The following DNER variants were observed in gnomAD, a reference collection of about 807,000 sequenced individuals.
DNER encodes delta and Notch-like epidermal growth factor-related receptor.
A neutral mutation model predicts 78.2 loss-of-function variants in DNER; 33 were observed. The ratio of observed to expected loss-of-function variants is 0.42; its 90% CI spans 0.32 to 0.56. DNER has a LOEUF of 0.56. Among genes scored for constraint, DNER ranks in the 20% least tolerant of loss-of-function variants. The pLI, the probability that DNER is intolerant of heterozygous loss-of-function variation, is 0.11. For synonymous variants in DNER, 417 were observed against 384.8 expected (o/e 1.08, Z -0.98); for missense variants, 918 against 975.3 (o/e 0.94, Z 0.78).
chr2:229,621,061 C>G (rs1698244002), intron 1 of DNER, among the ~76,000 whole-genome samples: 1 of 152,216 alleles, frequency 6.6e-6, no homozygotes, highest in Non-Finnish European at 1.5e-5. Flanking sequence ...CCTTAGCTAA[C>G]TCATACAAGA....
At chr2:229,668,824 G>T (rs1699157221) in intron 1 of DNER, among the ~76,000 whole-genome samples, 1 of 151,634 alleles carries the variant, frequency 6.6e-6, no homozygotes, top group African/African-American at 2.4e-5. Context: ...ATTCCTCAAA[G>T]ATCTAGAACC....
At chr2:229,553,099 G>A (rs944330340) in intron 4 of DNER, among the ~76,000 whole-genome samples, 6 of 152,174 alleles carry the variant, frequency 3.9e-5, no homozygotes, top group African/African-American at 1.2e-4. Context: ...CTAAATGGGG[G>A]CCATCCTAGG....
At chr2:229,598,002 T>G (rs755993049) in intron 1 of DNER, among the ~76,000 whole-genome samples, 14 of 152,166 alleles carry the variant, frequency 9.2e-5, no homozygotes, top group Non-Finnish European at 1.9e-4. Context: ...ATGGCCTGTT[T>G]TTCTTCCTTA....
intron 11 of DNER, among the ~76,000 whole-genome samples, chr2:229,382,236 G>A (rs1574816203): frequency 6.6e-6 from 1 of 152,250 alleles, no homozygotes; most frequent in South Asian, 2.1e-4. Context: ...CAAAAAGGAT[G>A]TCCACACAGA....
chr2:229,494,499 C>G (rs1207177373), intron 6 of DNER, among the ~76,000 whole-genome samples: 2 of 152,242 alleles, frequency 1.3e-5, no homozygotes, highest in Admixed American at 6.5e-5. Context: ...CAGAACGTAA[C>G]AGCTCAAGAG....
intron 10 of DNER, among the ~76,000 whole-genome samples, chr2:229,406,079 T>C (rs185493619): frequency 6.6e-6 from 1 of 152,250 alleles, no homozygotes; most frequent in East Asian, 1.9e-4. Flanking sequence ...AAATCAGAAG[T>C]TGCTTTTCCT....
chr2:229,632,302 C>T (rs1482533610), intron 1 of DNER, among the ~76,000 whole-genome samples: 2 of 152,142 alleles, frequency 1.3e-5, no homozygotes, highest in Non-Finnish European at 2.9e-5. Context: ...TATTACAAAA[C>T]ATTGAGTAGG....
chr2:229,385,883 T>A (rs1246380331), intron 11 of DNER, among the ~76,000 whole-genome samples: 2 of 151,838 alleles, frequency 1.3e-5, no homozygotes, highest in Non-Finnish European at 2.9e-5. Flanking sequence ...ATCATGAAAA[T>A]GGCCATACTG....
At chr2:229,401,547 C>T (rs1451444319) in intron 10 of DNER, among the ~76,000 whole-genome samples, 4 of 151,622 alleles carry the variant, frequency 2.6e-5, no homozygotes, top group Admixed American at 2.6e-4. Flanking sequence ...TCCAAAGAAT[C>T]ACGCTGAGTA....
intron 6 of DNER, among the ~76,000 whole-genome samples, chr2:229,507,481 G>A (rs910123116): frequency 6.6e-6 from 1 of 152,108 alleles, no homozygotes; most frequent in Non-Finnish European, 1.5e-5. Context: ...CCATTAACAA[G>A]CAAAAATAAT....
At chr2:229,584,696 C>T (rs984137504) in intron 4 of DNER, among the ~76,000 whole-genome samples, 1 of 151,652 alleles carries the variant, frequency 6.6e-6, no homozygotes, top group Non-Finnish European at 1.5e-5. Flanking sequence ...TTTGGGAGGC[C>T]GAGGCGGGTG....
At chr2:229,503,673 T>C (rs1240630628) in intron 6 of DNER, among the ~76,000 whole-genome samples, 4 of 152,186 alleles carry the variant, frequency 2.6e-5, no homozygotes, top group African/African-American at 7.2e-5. Flanking sequence ...ACTGGACTGA[T>C]AACTAATGAC....
intron 4 of DNER, among the ~76,000 whole-genome samples, chr2:229,565,986 C>A (rs1448324511): frequency 6.6e-6 from 1 of 152,142 alleles, no homozygotes; most frequent in African/African-American, 2.4e-5. Flanking sequence ...TATCCAATCA[C>A]CCACCACATC....
At chr2:229,519,889 C>T (rs1161079838) in intron 5 of DNER, among the ~76,000 whole-genome samples, 7 of 152,154 alleles carry the variant, frequency 4.6e-5, no homozygotes, top group Non-Finnish European at 1.0e-4. Context: ...AGTGACTATC[C>T]CTTTGGTTCG....
intron 1 of DNER, among the ~76,000 whole-genome samples, chr2:229,667,170 G>A (rs1010015133): frequency 1.3e-5 from 2 of 152,156 alleles, no homozygotes; most frequent in South Asian, 2.1e-4. Context: ...GTCCCATATG[G>A]CCTGGATAAT....
At chr2:229,469,804 A>T (rs13015627) in intron 7 of DNER, among the ~76,000 whole-genome samples, 1 of 152,028 alleles carries the variant, frequency 6.6e-6, no homozygotes, top group Non-Finnish European at 1.5e-5. Flanking sequence ...ATAGCTGGGC[A>T]TGGTGGTGGG....
At chr2:229,634,162 T>A (rs552147283) in intron 1 of DNER, among the ~76,000 whole-genome samples, 1 of 152,188 alleles carries the variant, frequency 6.6e-6, no homozygotes, top group African/African-American at 2.4e-5. Flanking sequence ...AGACCATGGT[T>A]GTAACTTTCG....
At position 229,643,182 on chromosome 2, in the gene DNER, A is replaced by G. The variant is rs146865277; in HGVS notation, c.277-51294T>C. ...CAGTGAACCAAGATCATGCCACTGC[A>G]CTCCAGCCTGGGTGAGAGAGTGAGC... On this transcript the variant is annotated intron_variant, in intron 1 of 12. Transcript: ENST00000341772. Among the ~76,000 whole-genome samples, 745 of 152,174 alleles carry G rather than the reference A, an allele frequency of 4.9e-3. 7 individuals carry two copies. The highest frequency in any genetic ancestry group is 0.017 in the African/African-American group (693 of 41,496).
chr2:229,401,946 C>G (rs1693278216), intron 10 of DNER, among the ~76,000 whole-genome samples: 1 of 152,158 alleles, frequency 6.6e-6, no homozygotes, highest in African/African-American at 2.4e-5. Context: ...GCTGGACTAA[C>G]TGGATGTTTA....
Sources: allele counts gnomAD v4.1 joint callset (sites outside exome capture counted in the v4.1 genomes callset), GRCh38; gene constraint gnomAD v4.1.1; transcripts MANE v1.5; gene names NCBI Gene and HGNC (gene_info 2026-07-23, HGNC 2026-07-21).